BRD10: variants seen among roughly 807,000 people sequenced by gnomAD.
The protein encoded by BRD10 is bromodomain containing 10, also known as uncharacterized bromodomain-containing protein 10.
the BRD10 span, among the ~76,000 whole-genome samples, chr9:5,905,496 C>G: frequency 3.9e-5 from 6 of 152,100 alleles, no homozygotes; most frequent in African/African-American, 1.4e-4. Flanking sequence ...GCCCTTCAAA[C>G]CATAAAAAAA....
the BRD10 span, among the ~76,000 whole-genome samples, chr9:5,895,225 A>G: frequency 1.3e-5 from 2 of 152,214 alleles, no homozygotes; most frequent in Admixed American, 6.5e-5. Flanking sequence ...TACATGGAAC[A>G]TCATCATCTT....
At chr9:5,914,408 T>C in the BRD10 span, among the ~76,000 whole-genome samples, 14 of 118,514 alleles carry the variant, frequency 1.2e-4, no homozygotes, top group African/African-American at 4.0e-4. Flanking sequence ...CAAATCCAGA[T>C]GGTTTTTTTT....
chr9:5,939,808 G>A, the BRD10 span, among the ~76,000 whole-genome samples: 3 of 152,228 alleles, frequency 2.0e-5, no homozygotes, highest in African/African-American at 7.2e-5. Context: ...GATCATTACA[G>A]TGTAGGATGT....
chr9:5,986,852 AAATGTTT>A, the BRD10 span, among the ~76,000 whole-genome samples: 1 of 152,176 alleles, frequency 6.6e-6, no homozygotes, highest in Non-Finnish European at 1.5e-5. Context: ...TTGGATATGT[AAATGTTT>A]TCATTATCAT....
chr9:6,007,651 C>G, the BRD10 span: 1 of 1,605,060 alleles, frequency 6.2e-7, no homozygotes, highest in South Asian at 1.1e-5. Flanking sequence ...CGAGGAGGCA[C>G]TCCTTCCGTG....
chr9:5,919,695 C>T, the BRD10 span: 1 of 1,608,054 alleles, frequency 6.2e-7, no homozygotes, highest in Admixed American at 1.7e-5. Context: ...CAAGATGCAG[C>T]TCTGTCAGGC....
the BRD10 span, chr9:5,908,598 C>A: frequency 6.6e-7 from 1 of 1,517,602 alleles, no homozygotes; most frequent in Non-Finnish European, 9.2e-7. Flanking sequence ...GAAACACATA[C>A]ACTGTTGCCA....
chr9:5,954,907 G>T, the BRD10 span, among the ~76,000 whole-genome samples: 8 of 152,090 alleles, frequency 5.3e-5, no homozygotes, highest in South Asian at 1.7e-3. Context: ...AGTTAACAGG[G>T]CGAAACCCCG....
the BRD10 span, among the ~76,000 whole-genome samples, chr9:5,982,176 T>C: frequency 4.6e-5 from 7 of 152,298 alleles, 1 homozygote; most frequent in South Asian, 1.4e-3. Flanking sequence ...TGCATGGAAA[T>C]GACCACTTTT....
At chr9:5,919,152 T>G in the BRD10 span, 1 of 152,832 alleles carries the variant, frequency 6.5e-6, no homozygotes, top group Non-Finnish European at 1.5e-5. Flanking sequence ...GCATAGTTCT[T>G]TGTACATATA....
chr9:5,886,715 C>T, the BRD10 span, among the ~76,000 whole-genome samples: 1 of 152,182 alleles, frequency 6.6e-6, no homozygotes, highest in Non-Finnish European at 1.5e-5. Context: ...GACTCTGAGG[C>T]CCAAGGCCGG....
At chr9:5,891,510 C>G in the BRD10 span, among the ~76,000 whole-genome samples, 1 of 152,158 alleles carries the variant, frequency 6.6e-6, no homozygotes, top group Non-Finnish European at 1.5e-5. Flanking sequence ...TGTCTCACCT[C>G]TCCCTGTTGT....
chr9:5,894,232 AACCTCATAGCCAGGTGT>A, the BRD10 span, among the ~76,000 whole-genome samples: 1 of 152,108 alleles, frequency 6.6e-6, no homozygotes, highest in African/African-American at 2.4e-5. The surrounding 1 kb of genome is among the most constrained non-coding windows in gnomAD (Gnocchi z 4.0). Flanking sequence ...CCAGCTGGGG[AACCTCATAGCCAGGTGT>A]ACCCACAACC....
At chr9:5,931,868 T>A in the BRD10 span, among the ~76,000 whole-genome samples, 1 of 152,184 alleles carries the variant, frequency 6.6e-6, no homozygotes, top group Non-Finnish European at 1.5e-5. Flanking sequence ...TGCAGAGGTT[T>A]AAAAAAGTTG....
the BRD10 span, among the ~76,000 whole-genome samples, chr9:5,893,903 C>A: frequency 5.9e-5 from 7 of 119,128 alleles, no homozygotes; most frequent in Admixed American, 4.1e-4. Flanking sequence ...TATTGCTCCA[C>A]CCCCGCCCCC....
chr9:5,933,882 C>T, the BRD10 span: 1 of 462,822 alleles, frequency 2.2e-6, no homozygotes, highest in Non-Finnish European at 4.5e-6. Flanking sequence ...CATTGGATAC[C>T]TAAAAAGGAA....
the BRD10 span, chr9:5,921,675 G>A: frequency 6.2e-7 from 1 of 1,613,848 alleles, no homozygotes; most frequent in Non-Finnish European, 8.5e-7. Flanking sequence ...TAATCTACTT[G>A]TTGCTGTTTA....
the BRD10 span, among the ~76,000 whole-genome samples, chr9:5,997,107 G>C: frequency 6.6e-6 from 1 of 152,230 alleles, no homozygotes; most frequent in Non-Finnish European, 1.5e-5. Context: ...AGGAAAGCTA[G>C]AGCAAGTCTT....
At chr9:5,967,757 T>G in the BRD10 span, among the ~76,000 whole-genome samples, 1 of 148,156 alleles carries the variant, frequency 6.7e-6, no homozygotes, top group South Asian at 2.1e-4. Context: ...CAGAGAAAGG[T>G]AAAAACATAA....
Sources: allele counts gnomAD v4.1 joint callset (sites outside exome capture counted in the v4.1 genomes callset), GRCh38; gene constraint gnomAD v4.1.1; non-coding constraint Gnocchi (gnomAD v3.1); transcripts MANE v1.5; gene names NCBI Gene and HGNC (gene_info 2026-07-23, HGNC 2026-07-21).